Variants in CDH18 observed in about 807,000 individuals in gnomAD.
CDH18 encodes cadherin 18.
CDH18 carries 31 observed loss-of-function variants against 67.9 expected under a neutral mutation model. That is an observed-to-expected ratio of 0.46 (90% CI 0.34 to 0.62). The LOEUF (loss-of-function observed/expected upper bound fraction) is 0.62. CDH18 is among the 20% of genes least tolerant of loss of function. The probability of loss-of-function intolerance (pLI) is 0.01; values close to 1 mark genes in which losing one functional copy is unlikely to be tolerated. For synonymous variants in CDH18, 362 were observed against 347.2 expected (o/e 1.04, Z -0.48); for missense variants, 890 against 975.5 (o/e 0.91, Z 1.17).
At chr5:20,443,591 C>A (rs6877123) in intron 1 of CDH18, among the ~76,000 whole-genome samples, 99,039 of 151,628 alleles carry the variant, frequency 0.65, 33,879 homozygotes, top group Non-Finnish European at 0.77. Flanking sequence ...GTCAATATTT[C>A]TGTGGGCACA....
At chr5:20,471,270 C>T (rs530741158) in intron 1 of CDH18, among the ~76,000 whole-genome samples, 5 of 152,212 alleles carry the variant, frequency 3.3e-5, no homozygotes, top group African/African-American at 9.6e-5. Flanking sequence ...ATTCTCTCCT[C>T]ATCATTCTCA....
At chr5:19,982,277 A>G (rs766414154) in intron 1 of CDH18, among the ~76,000 whole-genome samples, 63 of 152,120 alleles carry the variant, frequency 4.1e-4, no homozygotes, top group Non-Finnish European at 3.1e-4. Context: ...ACCAAAATAG[A>G]TTTTCATGGA....
intron 1 of CDH18, among the ~76,000 whole-genome samples, chr5:20,420,464 AAAG>A (rs1353402363): frequency 6.6e-6 from 1 of 151,220 alleles, no homozygotes; most frequent in Non-Finnish European, 1.5e-5. Flanking sequence ...AACGTTATAA[AAAG>A]AAGACGACTT....
chr5:20,095,504 AGGGAGGAT>A (rs1448089893), intron 2 of CDH18, among the ~76,000 whole-genome samples: 2 of 123,968 alleles, frequency 1.6e-5, no homozygotes, highest in African/African-American at 6.1e-5. Flanking sequence ...GGAGGGAGGG[AGGGAGGAT>A]GGAAGGAAGG....
At chr5:20,272,165 G>A (rs1438566036) in intron 1 of CDH18, among the ~76,000 whole-genome samples, 1 of 152,010 alleles carries the variant, frequency 6.6e-6, no homozygotes, top group East Asian at 1.9e-4. Context: ...TAGCCTAAGA[G>A]GAAGAAGTGG....
rs1741970214 is a variant in CDH18, at chr5:20,360,111, AATATATGTTATATATT to A, written c.-579-104622_-579-104607del. On this transcript the variant is annotated intron_variant, in intron 1 of 14. Transcript: ENST00000507958. Reference sequence around the variant, plus strand: ...TGTTATATATTATATATAATTCTATAATATATGTTATATATTATATATAATTCTATAATATATAGTT... The same window carrying A: ...TGTTATATATTATATATAATTCTATAATATATAATTCTATAATATATAGTT... Among the ~76,000 whole-genome samples the A allele has an allele frequency of 2.1e-5, 3 of 145,380 alleles. No homozygotes were observed. The South Asian group carries it at 6.4e-4, about 31-fold the overall frequency.
At chr5:20,141,421 G>T (rs1170292011) in intron 2 of CDH18, among the ~76,000 whole-genome samples, 2 of 152,086 alleles carry the variant, frequency 1.3e-5, no homozygotes, top group Admixed American at 6.6e-5. Flanking sequence ...GATATGAACT[G>T]CTGTATGAAA....
intron 2 of CDH18, among the ~76,000 whole-genome samples, chr5:20,172,226 A>ACATG (rs1554098787): frequency 9.4e-6 from 1 of 105,852 alleles, no homozygotes; most frequent in African/African-American, 4.3e-5. Flanking sequence ...ATATATATGT[A>ACATG]TATATATATA....
chr5:19,678,246 CA>C (rs397736814), intron 5 of CDH18, among the ~76,000 whole-genome samples: 234 of 141,976 alleles, frequency 1.6e-3, no homozygotes, highest in Non-Finnish European at 2.3e-3. Flanking sequence ...CTCAGCAAAT[CA>C]AAAAAAAAAA....
chr5:20,233,769 T>G (rs1048106408), intron 2 of CDH18, among the ~76,000 whole-genome samples: 9 of 152,126 alleles, frequency 5.9e-5, no homozygotes, highest in Admixed American at 5.2e-4. Flanking sequence ...ATCTGAAACA[T>G]CTTAGTGACA....
chr5:20,530,377 A>T (rs1756324037), intron 1 of CDH18, among the ~76,000 whole-genome samples: 1 of 152,114 alleles, frequency 6.6e-6, no homozygotes, highest in Admixed American at 6.5e-5. Context: ...AATTAGAAAA[A>T]AAAACCTATT....
At chr5:20,541,273 G>C (rs1757034418) in intron 1 of CDH18, among the ~76,000 whole-genome samples, 1 of 152,010 alleles carries the variant, frequency 6.6e-6, no homozygotes, top group South Asian at 2.1e-4. Flanking sequence ...TACTTAGAAA[G>C]CTTTTTTGTT....
In CDH18 at chr5:19,787,580, C is replaced by G. The variant is rs117616262; in HGVS notation, c.229-40344G>C. The stretch of plus-strand genomic sequence containing the variant: ...GAAGGTACATGTGCATATAAGAAGA[C>G]TAAGCTATTGTGACCCAAGCTTGGA... On this transcript the variant is annotated intron_variant, in intron 3 of 12. Coordinates refer to ENST00000382275, the MANE Select transcript of CDH18 (RefSeq NM_004934.5). Among the ~76,000 whole-genome samples, 57 of 152,028 alleles carry G rather than the reference C, an allele frequency of 3.7e-4. No homozygotes were observed. The East Asian group carries it at 0.01, about 28-fold the overall frequency.
intron 1 of CDH18, among the ~76,000 whole-genome samples, chr5:20,439,412 GA>G (rs1460894821): frequency 2.0e-5 from 3 of 151,188 alleles, no homozygotes; most frequent in Non-Finnish European, 4.4e-5. Flanking sequence ...TTTCAGACTT[GA>G]AAGATCAGAA....
chr5:19,959,443 A>G (rs963109286), intron 2 of CDH18, among the ~76,000 whole-genome samples: 1 of 152,102 alleles, frequency 6.6e-6, no homozygotes, highest in Non-Finnish European at 1.5e-5. Context: ...AATTGTAAGT[A>G]TACTGTATTT....
At chr5:19,477,011 C>T (rs1738573385) in intron 12 of CDH18, among the ~76,000 whole-genome samples, 1 of 151,186 alleles carries the variant, frequency 6.6e-6, no homozygotes, top group African/African-American at 2.4e-5. Context: ...TACATTTGAA[C>T]GTTGAAGGTT....
chr5:20,386,506 G>C (rs1744319237), intron 1 of CDH18, among the ~76,000 whole-genome samples: 2 of 152,212 alleles, frequency 1.3e-5, no homozygotes, highest in Admixed American at 1.3e-4. Flanking sequence ...TTTTAGATCA[G>C]AGAAGCCATA....
At chr5:19,995,078 T>C (rs916068002) in intron 2 of CDH18, among the ~76,000 whole-genome samples, 10 of 151,452 alleles carry the variant, frequency 6.6e-5, no homozygotes, top group African/African-American at 2.4e-4. Flanking sequence ...TTCCTCTTCC[T>C]TTTTATTCTA....
At chr5:19,641,626 T>C (rs1381937418) in intron 5 of CDH18, among the ~76,000 whole-genome samples, 1 of 151,994 alleles carries the variant, frequency 6.6e-6, no homozygotes, top group Non-Finnish European at 1.5e-5. Context: ...AATTTAGCAT[T>C]TATTAATCAG....
Sources: gnomAD v4.1 joint callset for allele counts (sites outside exome capture counted in the v4.1 genomes callset) on GRCh38, gnomAD v4.1.1 for gene constraint, MANE v1.5 for transcripts, NCBI Gene and HGNC (gene_info 2026-07-23, HGNC 2026-07-21) for gene names.